AGBL4: variants seen among roughly 807,000 people sequenced by gnomAD.
AGBL4 encodes AGBL carboxypeptidase 4, also known as cytosolic carboxypeptidase 6.
AGBL4 carries 58 observed loss-of-function variants against 66.4 expected under a neutral mutation model. The observed-to-expected ratio is 0.87, with a 90% CI of 0.71 to 1.09. The LOEUF (loss-of-function observed/expected upper bound fraction) is 1.09. Ranked by LOEUF, AGBL4 falls within the 50% of genes least tolerant of loss-of-function variation. The probability of loss-of-function intolerance (pLI) is 0.00; values close to 1 mark genes in which losing one functional copy is unlikely to be tolerated. For missense variants in AGBL4, 579 were observed against 631.0 expected, an observed-to-expected ratio of 0.92 and a Z score of 0.88; for synonymous variants, 234 against 222.9, an observed-to-expected ratio of 1.05 and a Z score of -0.44.
intron 3 of AGBL4, among the ~76,000 whole-genome samples, chr1:49,294,651 T>C (rs1644605181): frequency 6.6e-6 from 1 of 152,222 alleles, no homozygotes; most frequent in Admixed American, 6.5e-5. Flanking sequence ...AGCCCAGCTT[T>C]TCCAGACTAA....
chr1:48,963,340 AT>A (rs1439125728), intron 5 of AGBL4, among the ~76,000 whole-genome samples: 2 of 152,098 alleles, frequency 1.3e-5, no homozygotes, highest in African/African-American at 2.4e-5. Flanking sequence ...AAATTTCAAC[AT>A]GAGTTTTAAA....
At chr1:49,995,124 A>C (rs1251387067) in intron 1 of AGBL4, 1 of 456,094 alleles carries the variant, frequency 2.2e-6, no homozygotes, top group Non-Finnish European at 4.4e-6. Context: ...AGTAAACTCA[A>C]AGTTTCCTGG....
chr1:49,615,253 T>C (rs538568830), intron 3 of AGBL4, among the ~76,000 whole-genome samples: 2 of 152,248 alleles, frequency 1.3e-5, no homozygotes, highest in South Asian at 4.1e-4. Context: ...CCTGACAGAC[T>C]GATGACAAGG....
intron 1 of AGBL4, among the ~76,000 whole-genome samples, chr1:49,953,459 A>C (rs141141743): frequency 1.3e-5 from 2 of 151,980 alleles, no homozygotes; most frequent in African/African-American, 4.8e-5. Flanking sequence ...ACTAATAAAT[A>C]TATCTCCAAA....
chr1:48,935,889 G>A (rs1655412668), intron 5 of AGBL4, among the ~76,000 whole-genome samples: 1 of 146,270 alleles, frequency 6.8e-6, no homozygotes, highest in Admixed American at 7.1e-5. Flanking sequence ...AACCTGGGAG[G>A]CGGACGTTGC....
chr1:49,226,679 T>C (rs1464261053), intron 4 of AGBL4, among the ~76,000 whole-genome samples: 1 of 152,186 alleles, frequency 6.6e-6, no homozygotes, highest in African/African-American at 2.4e-5. Context: ...TCTTCTACTT[T>C]AGCCCCTAAA....
At chr1:49,577,210 G>T (rs1644454562) in intron 3 of AGBL4, among the ~76,000 whole-genome samples, 1 of 152,200 alleles carries the variant, frequency 6.6e-6, no homozygotes, top group African/African-American at 2.4e-5. Flanking sequence ...CTCAGCAGAG[G>T]AGGATTTTAA....
intron 6 of AGBL4, among the ~76,000 whole-genome samples, chr1:48,711,856 C>T (rs1418019846): frequency 6.6e-6 from 1 of 152,152 alleles, no homozygotes; most frequent in Non-Finnish European, 1.5e-5. Context: ...CCAGCCTGTC[C>T]TGTTCCAATC....
At position 49,652,500 on chromosome 1, in the gene AGBL4, C is replaced by G. The variant is rs76272873; in HGVS notation, c.282+44813G>C. Among the ~76,000 whole-genome samples, 936 of 152,264 alleles carry G rather than the reference C, an allele frequency of 6.1e-3. 9 individuals carry two copies. Among genetic ancestry groups the G allele is most frequent in the African/African-American group, 0.021 (870 of 41,552 alleles). ...GGGTAGGTGGCTGCTCGAGCAGGCA[C>G]TGAGACACAGGAGTTTTTGCATTGT... On this transcript the variant is annotated intron_variant, in intron 3 of 13. Transcript: ENST00000371839.
At chr1:48,754,821 T>A (rs1425587734) in intron 6 of AGBL4, among the ~76,000 whole-genome samples, 2 of 151,984 alleles carry the variant, frequency 1.3e-5, no homozygotes, top group African/African-American at 4.8e-5. Context: ...GACACCCCCA[T>A]GTTGGGAAAA....
At chr1:49,515,327 A>C (rs968976093) in intron 3 of AGBL4, among the ~76,000 whole-genome samples, 5 of 152,126 alleles carry the variant, frequency 3.3e-5, no homozygotes, top group Admixed American at 3.3e-4. Context: ...GCAAATCAAA[A>C]CCACAATGAG....
At chr1:48,854,061 T>G (rs1647091654) in intron 6 of AGBL4, among the ~76,000 whole-genome samples, 1 of 152,198 alleles carries the variant, frequency 6.6e-6, no homozygotes, top group Admixed American at 6.5e-5. Context: ...GGGGATTTAT[T>G]GTCATGATTA....
intron 4 of AGBL4, among the ~76,000 whole-genome samples, chr1:49,099,556 T>A (rs1042055373): frequency 6.6e-6 from 1 of 152,194 alleles, no homozygotes; most frequent in Non-Finnish European, 1.5e-5. Flanking sequence ...GGTTTCACTG[T>A]TTCATTTAAT....
chr1:49,420,888 T>C (rs1456113403), intron 3 of AGBL4, among the ~76,000 whole-genome samples: 1 of 152,170 alleles, frequency 6.6e-6, no homozygotes, highest in Non-Finnish European at 1.5e-5. Flanking sequence ...AAGACAGCTA[T>C]TCCTTACTTT....
intron 1 of AGBL4, among the ~76,000 whole-genome samples, chr1:49,963,037 C>T (rs1434968888): frequency 6.6e-6 from 1 of 152,134 alleles, no homozygotes; most frequent in Non-Finnish European, 1.5e-5. Context: ...TTCCATCTTC[C>T]CATCACAGGC....
intron 9 of AGBL4, among the ~76,000 whole-genome samples, chr1:48,622,732 C>T (rs1255903862): frequency 1.3e-5 from 2 of 152,132 alleles, no homozygotes; most frequent in Non-Finnish European, 2.9e-5. Context: ...GATCCACCCG[C>T]CTTGGCCTCC....
intron 9 of AGBL4, among the ~76,000 whole-genome samples, chr1:48,625,368 C>G (rs542307168): frequency 5.9e-5 from 9 of 152,184 alleles, no homozygotes; most frequent in African/African-American, 2.2e-4. Context: ...TTTTCTCCCT[C>G]TCTCCTAACA....
intron 6 of AGBL4, among the ~76,000 whole-genome samples, chr1:48,748,289 C>T (rs568564282): frequency 1.4e-4 from 21 of 152,170 alleles, no homozygotes; most frequent in Non-Finnish European, 2.1e-4. Flanking sequence ...GCTGCTGTAG[C>T]GTGCCTCTGT....
At chr1:48,882,069 G>T (rs1231755867) in intron 5 of AGBL4, among the ~76,000 whole-genome samples, 1 of 152,192 alleles carries the variant, frequency 6.6e-6, no homozygotes. Flanking sequence ...CTGAAGTCTG[G>T]AATTCCTGGG....
Sources: gnomAD v4.1 joint callset for allele counts (sites outside exome capture counted in the v4.1 genomes callset) on GRCh38, gnomAD v4.1.1 for gene constraint, MANE v1.5 for transcripts, NCBI Gene and HGNC (gene_info 2026-07-23, HGNC 2026-07-21) for gene names.